Variants in KHDRBS2 observed in about 807,000 individuals in gnomAD.
KHDRBS2 encodes the protein KH domain-containing, RNA-binding, signal transduction-associated protein 2.
Under a neutral mutation model 44.3 loss-of-function variants are expected in KHDRBS2, and 26 were observed. That is an observed-to-expected ratio of 0.59 (90% confidence interval 0.43 to 0.81). The LOEUF (loss-of-function observed/expected upper bound fraction) is 0.81. KHDRBS2 is among the 40% of genes least tolerant of loss of function. KHDRBS2 has a pLI of 0.00. For synonymous variants in KHDRBS2, 194 were observed against 151.1 expected, an observed-to-expected ratio of 1.28 and a Z score of -2.08; for missense variants, 476 against 433.1, an observed-to-expected ratio of 1.10 and a Z score of -0.88.
At chr6:62,033,910 T>C (rs748694406) in intron 3 of KHDRBS2, among the ~76,000 whole-genome samples, 2 of 151,272 alleles carry the variant, frequency 1.3e-5, no homozygotes, top group Non-Finnish European at 3.0e-5. Context: ...AGGAAATATA[T>C]ACATTTATAT....
the KHDRBS2 span, among the ~76,000 whole-genome samples, chr6:61,666,408 C>A: frequency 2.4e-3 from 361 of 151,444 alleles, 2 homozygotes; most frequent in African/African-American, 8.2e-3. Flanking sequence ...TAGACCCTTC[C>A]TTCTACGTTG....
At chr6:62,248,401 C>A (rs1290793204) in intron 1 of KHDRBS2, among the ~76,000 whole-genome samples, 1 of 151,782 alleles carries the variant, frequency 6.6e-6, no homozygotes, top group Non-Finnish European at 1.5e-5. Context: ...CTCTGTCACC[C>A]AGGCTGATGT....
intron 2 of KHDRBS2, among the ~76,000 whole-genome samples, chr6:62,101,723 T>C (rs764371511): frequency 5.3e-5 from 8 of 152,200 alleles, no homozygotes; most frequent in Non-Finnish European, 1.0e-4. Context: ...AGAGAATGGA[T>C]AGATGATCAG....
intron 3 of KHDRBS2, among the ~76,000 whole-genome samples, chr6:62,045,193 C>T (rs776561237): frequency 1.1e-4 from 16 of 151,914 alleles, no homozygotes; most frequent in East Asian, 1.9e-4. Flanking sequence ...CCAGTGATTG[C>T]GAATTACTTT....
intron 1 of KHDRBS2, among the ~76,000 whole-genome samples, chr6:62,247,693 C>T (rs979232301): frequency 8.6e-5 from 13 of 151,878 alleles, no homozygotes; most frequent in Non-Finnish European, 1.3e-4. Context: ...TCCTACTTCC[C>T]GGAGCAATCA....
intron 2 of KHDRBS2, among the ~76,000 whole-genome samples, chr6:62,111,214 T>A (rs1207161679): frequency 6.6e-6 from 1 of 152,106 alleles, no homozygotes; most frequent in Non-Finnish European, 1.5e-5. Flanking sequence ...TTTATGAACA[T>A]TTTAAAAGAA....
chr6:62,058,698 T>A (rs546929326), intron 2 of KHDRBS2, among the ~76,000 whole-genome samples: 2 of 151,876 alleles, frequency 1.3e-5, no homozygotes, highest in Non-Finnish European at 2.9e-5. Flanking sequence ...TAGAACATTA[T>A]TTTATTCTAT....
At chr6:61,788,643 T>G (rs1784186407) in intron 6 of KHDRBS2, among the ~76,000 whole-genome samples, 1 of 151,276 alleles carries the variant, frequency 6.6e-6, no homozygotes, top group African/African-American at 2.4e-5. Flanking sequence ...ACAGAGTAAA[T>G]TCAGATAGGC....
At chr6:61,870,385 G>A (rs984044013) in intron 6 of KHDRBS2, among the ~76,000 whole-genome samples, 1 of 152,162 alleles carries the variant, frequency 6.6e-6, no homozygotes, top group Non-Finnish European at 1.5e-5. Context: ...AAAGGCAGCA[G>A]CCTCATTCAG....
chr6:61,648,840 C>T, the KHDRBS2 span, among the ~76,000 whole-genome samples: 2 of 152,070 alleles, frequency 1.3e-5, no homozygotes, highest in African/African-American at 4.8e-5. Context: ...TTTAGTGCGG[C>T]CCTCCTACCT....
At chr6:61,745,632 G>A (rs1776754324) in intron 6 of KHDRBS2, among the ~76,000 whole-genome samples, 1 of 152,084 alleles carries the variant, frequency 6.6e-6, no homozygotes, top group Admixed American at 6.6e-5. Flanking sequence ...ACAAGATCAA[G>A]TTTTAGAAGC....
the KHDRBS2 span, among the ~76,000 whole-genome samples, chr6:61,626,791 T>A: frequency 3.3e-5 from 5 of 152,186 alleles, no homozygotes; most frequent in African/African-American, 7.2e-5. Flanking sequence ...TGAGTAGCTA[T>A]GAAAAATGAA....
At chr6:61,543,597 C>G in the KHDRBS2 span, among the ~76,000 whole-genome samples, 2 of 151,930 alleles carry the variant, frequency 1.3e-5, no homozygotes, top group Admixed American at 6.6e-5. Flanking sequence ...AATCCCACTG[C>G]TAGATATATA....
chr6:61,559,804 G>C, the KHDRBS2 span, among the ~76,000 whole-genome samples: 1 of 151,860 alleles, frequency 6.6e-6, no homozygotes, highest in East Asian at 1.9e-4. Context: ...TTTTTTGATT[G>C]GTTCATCTTT....
chr6:61,816,960 G>T (rs1159348502), intron 6 of KHDRBS2: 1 of 455,658 alleles, frequency 2.2e-6, no homozygotes, highest in Non-Finnish European at 4.4e-6. Context: ...CTTACCTGGT[G>T]AGATTTTGCC....
At chr6:62,160,418 G>C (rs1463642372) in intron 2 of KHDRBS2, among the ~76,000 whole-genome samples, 3 of 152,016 alleles carry the variant, frequency 2.0e-5, no homozygotes, top group Admixed American at 2.0e-4. Flanking sequence ...ATATATGAGG[G>C]CCAAGTGTTA....
chr6:62,058,838 G>C (rs1790924536), intron 2 of KHDRBS2, among the ~76,000 whole-genome samples: 1 of 151,620 alleles, frequency 6.6e-6, no homozygotes. Flanking sequence ...GAGAAGAAAA[G>C]CAGAATGATT....
intron 2 of KHDRBS2, among the ~76,000 whole-genome samples, chr6:62,060,633 C>CTATA (rs57458009): frequency 1.1e-3 from 156 of 144,860 alleles, no homozygotes; most frequent in Admixed American, 2.5e-3. Context: ...CTCTCTCTCT[C>CTATA]TATATATATA....
In KHDRBS2 at chr6:61,947,409, T is replaced by C. The variant is rs1813592400; in HGVS notation, c.483+30657A>G. Among the ~76,000 whole-genome samples the C allele has an allele frequency of 2.0e-5, 3 of 152,264 alleles. No homozygotes were observed. The South Asian group carries it at 6.2e-4, about 32-fold the overall frequency. On this transcript the variant is annotated intron_variant, in intron 4 of 8. Transcript: ENST00000281156. Reference sequence around the variant, plus strand: ...TTCATAGATCCAGTTCCTGACACAGTATCAACAAATATTAAAAGCCCACTA... The same window carrying C: ...TTCATAGATCCAGTTCCTGACACAGCATCAACAAATATTAAAAGCCCACTA...
Sources: allele counts gnomAD v4.1 joint callset (sites outside exome capture counted in the v4.1 genomes callset), GRCh38; gene constraint gnomAD v4.1.1; transcripts MANE v1.5; gene names NCBI Gene and HGNC (gene_info 2026-07-23, HGNC 2026-07-21).